LRRK1: variants seen among roughly 807,000 people sequenced by gnomAD.
LRRK1 encodes leucine-rich repeat serine/threonine-protein kinase 1.
LRRK1 carries 113 observed loss-of-function variants against 209.1 expected under a neutral mutation model. The observed-to-expected ratio is 0.54, with a 90% confidence interval of 0.46 to 0.63. The LOEUF is 0.63. LRRK1 is among the 30% of genes least tolerant of loss of function. The pLI is 0.00. For missense variants in LRRK1, 2,284 were observed against 2,632.2 expected (o/e 0.87, Z 2.89); for synonymous variants, 1,144 against 1,099.7 (o/e 1.04, Z -0.80).
chr15:100,989,196 C>A, intron 5 of LRRK1, 54 bp from the exon 6 acceptor site: 1 of 1,516,216 alleles, frequency 6.6e-7, no homozygotes, highest in Non-Finnish European at 9.1e-7. Flanking sequence ...GCCCTTCCAA[C>A]GACTGTGACA....
intron 2 of LRRK1, among the ~76,000 whole-genome samples, chr15:100,940,054 G>A (rs1348668283): frequency 6.6e-6 from 1 of 152,136 alleles, no homozygotes; most frequent in African/African-American, 2.4e-5. Flanking sequence ...GACATCCAGG[G>A]CCAGATTGTC....
chr15:101,044,790 A>G (rs1022227007), intron 20 of LRRK1, among the ~76,000 whole-genome samples: 1 of 152,250 alleles, frequency 6.6e-6, no homozygotes, highest in Non-Finnish European at 1.5e-5. Context: ...GATGCATGAG[A>G]TGAAGTAGAA....
chr15:100,948,929 A>T (rs1186870000), intron 2 of LRRK1, among the ~76,000 whole-genome samples: 1 of 152,160 alleles, frequency 6.6e-6, no homozygotes, highest in African/African-American at 2.4e-5. Flanking sequence ...AAGAAGAAAG[A>T]TCTCAAATCA....
chr15:101,059,710 C>T (rs960530012), intron 29 of LRRK1, among the ~76,000 whole-genome samples: 1 of 152,156 alleles, frequency 6.6e-6, no homozygotes, highest in African/African-American at 2.4e-5. Context: ...ACACAAATAT[C>T]TCAGTTCTGC....
At chr15:100,942,982 C>G (rs1193803151) in intron 2 of LRRK1, among the ~76,000 whole-genome samples, 4 of 152,176 alleles carry the variant, frequency 2.6e-5, no homozygotes, top group Non-Finnish European at 1.5e-5. Context: ...CCCTTTTCAA[C>G]AAGTTTGGAA....
At chr15:100,923,776 C>A (rs1466133803) in intron 1 of LRRK1, among the ~76,000 whole-genome samples, 1 of 152,204 alleles carries the variant, frequency 6.6e-6, no homozygotes, top group Non-Finnish European at 1.5e-5. Flanking sequence ...AAATAGCAGT[C>A]CTGTACATTG....
chr15:101,033,134 C>T (rs2034353597), intron 20 of LRRK1, among the ~76,000 whole-genome samples: 1 of 152,122 alleles, frequency 6.6e-6, no homozygotes, highest in Non-Finnish European at 1.5e-5. Flanking sequence ...TTTCTTAGCT[C>T]ACATTTCTTT....
Position 101,055,074 on chromosome 15 carries a change from T to A in LRRK1, c.4183T>A (p.Trp1395Arg), listed in dbSNP as rs1403131690. ...CCTGAAGTCGGACAACATTCTGGTG[T>A]GGTCCCTTGACGTCAAGGAGCACAT... is the stretch of plus-strand genomic sequence containing the variant. Reference protein sequence around the residue: ...CDLKSDNILVWSLDVKEHINI... With the variant: ...CDLKSDNILVRSLDVKEHINI... Residue 1395 changes from tryptophan (W) to arginine (R), a missense_variant, in exon 27 of 34, where the codon TGG (tryptophan) becomes AGG (arginine). By Grantham distance (101) the Trp-to-Arg change is moderately radical. Coordinates refer to ENST00000388948, the MANE Select transcript of LRRK1 (RefSeq NM_024652.6). 1.2e-6 allele frequency: 2 copies of A among 1,614,198 alleles called. No individual in the cohort carries two copies. Among genetic ancestry groups the A allele is most frequent in the Non-Finnish European group, 1.7e-6 (2 of 1,180,030 alleles).
At chr15:100,978,090 T>A (rs7169960) in intron 3 of LRRK1, among the ~76,000 whole-genome samples, 141,693 of 151,538 alleles carry the variant, frequency 0.94, 66,256 homozygotes, top group East Asian at 1. Context: ...ATTTTAAAAT[T>A]AAAAAAAAAC....
intron 6 of LRRK1, among the ~76,000 whole-genome samples, chr15:100,994,708 G>A (rs543700105): frequency 1.9e-4 from 29 of 152,222 alleles, no homozygotes; most frequent in Non-Finnish European, 1.8e-4. Flanking sequence ...GGCTCCTTGA[G>A]CTTCCCCAAA....
intron 2 of LRRK1, among the ~76,000 whole-genome samples, chr15:100,948,959 T>G (rs1298158703): frequency 6.6e-6 from 1 of 151,738 alleles, no homozygotes; most frequent in Non-Finnish European, 1.5e-5. Flanking sequence ...ACTTCCACCT[T>G]AAGAAACTAG....
intron 6 of LRRK1, among the ~76,000 whole-genome samples, chr15:101,007,935 G>A (rs2033038880): frequency 6.6e-6 from 1 of 152,020 alleles, no homozygotes; most frequent in African/African-American, 2.4e-5. Flanking sequence ...TGGATTGCCC[G>A]AGGTCAGGAG....
chr15:101,066,542 T>G, intron 32 of LRRK1, 98 bp from the exon 33 acceptor site: 1 of 1,078,408 alleles, frequency 9.3e-7, no homozygotes, highest in South Asian at 1.3e-5. Context: ...ACTGCATGTC[T>G]GTTGCCTCCC....
intron 2 of LRRK1, among the ~76,000 whole-genome samples, chr15:100,970,898 T>C (rs1454003388): frequency 2.0e-5 from 3 of 152,180 alleles, no homozygotes; most frequent in Admixed American, 6.5e-5. Flanking sequence ...CTTGCCCATC[T>C]TTTGTTACAT....
Position 100,985,527 on chromosome 15 carries a change from A to C in LRRK1, c.433+1828A>C, listed in dbSNP as rs1481133195. 2.0e-5 allele frequency among the ~76,000 whole-genome samples: 3 copies of C among 152,220 alleles called. No individual in the cohort carries two copies. The East Asian group carries it at 5.8e-4, about 29-fold the overall frequency. ...CACTGAGGTTGAAGTATTTTTACGCAGAGGTCTGGGAGCACACATCAGGGG... is the reference window on the plus strand; with the variant it reads ...CACTGAGGTTGAAGTATTTTTACGCCGAGGTCTGGGAGCACACATCAGGGG... On this transcript the variant is annotated intron_variant, in intron 4 of 33. Transcript: ENST00000388948.
At chr15:100,977,939 G>C (rs972172638) in intron 3 of LRRK1, among the ~76,000 whole-genome samples, 3 of 152,134 alleles carry the variant, frequency 2.0e-5, no homozygotes, top group African/African-American at 7.2e-5. Flanking sequence ...AGGATTTGAA[G>C]GCAGTCATCA....
chr15:100,994,173 G>T (rs1039784819), intron 6 of LRRK1, among the ~76,000 whole-genome samples: 1 of 152,178 alleles, frequency 6.6e-6, no homozygotes, highest in African/African-American at 2.4e-5. Flanking sequence ...TTTTACATAT[G>T]AAATTATTGG....
At chr15:100,940,556 C>T (rs2042382512) in intron 2 of LRRK1, among the ~76,000 whole-genome samples, 1 of 152,222 alleles carries the variant, frequency 6.6e-6, no homozygotes, top group Non-Finnish European at 1.5e-5. Context: ...ACCCACTGTG[C>T]TTCACAGTGC....
At chr15:101,062,997 G>A (rs1423033929) in intron 31 of LRRK1, among the ~76,000 whole-genome samples, 1 of 152,166 alleles carries the variant, frequency 6.6e-6, no homozygotes, top group East Asian at 1.9e-4. Context: ...GAGCAGTCAT[G>A]CGTGTGCCCT....
Sources: allele counts gnomAD v4.1 joint callset (sites outside exome capture counted in the v4.1 genomes callset), GRCh38; gene constraint gnomAD v4.1.1; transcripts MANE v1.5; gene names NCBI Gene and HGNC (gene_info 2026-07-23, HGNC 2026-07-21).